Variants in METTL3 observed in about 807,000 individuals in gnomAD.
METTL3 encodes N(6)-adenosine-methyltransferase catalytic subunit METTL3.
In METTL3, 42 loss-of-function variants were observed where a neutral mutation model predicts 64.3. The observed-to-expected ratio is 0.65, with a 90% confidence interval of 0.51 to 0.84. METTL3 has a LOEUF of 0.84. Ranked by LOEUF, METTL3 falls within the 40% of genes least tolerant of loss-of-function variation. The probability of loss-of-function intolerance (pLI) is 0.00; values close to 1 mark genes in which losing one functional copy is unlikely to be tolerated. For missense variants in METTL3, 435 were observed against 722.3 expected (o/e 0.60, Z 4.56); for synonymous variants, 256 against 263.6 (o/e 0.97, Z 0.28).
chr14:21,508,646 G>T (rs1891755799), intron 1 of METTL3, among the ~76,000 whole-genome samples: 2 of 152,168 alleles, frequency 1.3e-5, no homozygotes, highest in Non-Finnish European at 2.9e-5. Context: ...TGTAATCCCA[G>T]CACTTTGGGA....
intron 3 of METTL3, 90 bp downstream of exon 3, chr14:21,503,083 G>A: frequency 2.9e-6 from 4 of 1,394,036 alleles, no homozygotes; most frequent in Non-Finnish European, 3.9e-6. Flanking sequence ...AACCACTGCT[G>A]TAAACAGTTC....
intron 6 of METTL3, 124 bp downstream of exon 6, chr14:21,500,370 AG>A (rs35288920): frequency 2.9e-4 from 232 of 799,114 alleles, no homozygotes; most frequent in African/African-American, 2.8e-3. Flanking sequence ...TCAAAAAAAA[AG>A]AAAAAAAGAC....
At position 21,500,453 on chromosome 14, in the gene METTL3, T is replaced by G. The variant is rs370521643; in HGVS notation, c.1304+42A>C. The G allele has an allele frequency of 1.9e-6, 3 of 1,591,986 alleles. No individual in the cohort carries two copies. The South Asian group carries it at 3.3e-5, about 18-fold the overall frequency. ...TTATCTCCCATTCAGTATTCACTCT[T>G]GTACTGTATCTGTCCATACCTACGT... On this transcript the variant is annotated intron_variant, in intron 6 of 10. Coordinates refer to ENST00000298717, the MANE Select transcript of METTL3 (RefSeq NM_019852.5).
intron 5 of METTL3, 91 bp from the exon 6 acceptor site, chr14:21,500,773 C>G: frequency 6.8e-7 from 1 of 1,467,678 alleles, no homozygotes; most frequent in East Asian, 2.3e-5. Context: ...TTCCTATTCC[C>G]TTAAAAGCTT....
Position 21,499,780 on chromosome 14 carries a change from A to G in METTL3, c.1327T>C (p.Cys443Arg). 6.2e-7 allele frequency: 1 copy of G among 1,613,250 alleles called. No individual in the cohort carries two copies. The highest frequency in any genetic ancestry group is 8.5e-7 in the Non-Finnish European group (1 of 1,179,218). The change falls in exon 7 of 11, where the codon TGT becomes CGT. Residue 443 changes from cysteine to arginine, a missense_variant. By Grantham distance (180) the Cys-to-Arg change is radical. This residue lies in a region of METTL3 where 36 missense variants were observed against 73.0 expected (regional missense o/e 0.49). Coordinates refer to ENST00000298717, the MANE Select transcript of METTL3 (RefSeq NM_019852.5). ...ACTACTTACCCCCAGAGGTTTAGAC[A>G]TTCTCTCCCCAACTCCATGGCCCTA... ...TGRAMELGRE[C>R]LNLWGYERVD...
chr14:21,501,025 G>A lies in METTL3; in HGVS notation c.1004C>T (p.Ala335Val), dbSNP rs748004925. 1 of 1,614,164 alleles carries A rather than the reference G, an allele frequency of 6.2e-7. No homozygotes were observed. The highest frequency in any genetic ancestry group is 8.5e-7 in the Non-Finnish European group (1 of 1,180,006). Residue 335 changes from alanine to valine, a missense_variant, in exon 5 of 11, where the codon GCT (alanine) becomes GTT (valine). This residue lies in a region of METTL3 where 67 missense variants were observed against 71.5 expected (regional missense o/e 0.94). Transcript: ENST00000298717. Reference sequence around the variant, plus strand: ...GCCAGGGGCCTCAGAATCCATGCAAGCATCAATTTCATAGTGAACATACTT... The same window carrying A: ...GCCAGGGGCCTCAGAATCCATGCAAACATCAATTTCATAGTGAACATACTT... ...TCKYVHYEID[A>V]CMDSEAPGSK...
intron 6 of METTL3, among the ~76,000 whole-genome samples, chr14:21,500,035 T>C (rs954079426): frequency 2.0e-5 from 3 of 152,090 alleles, no homozygotes; most frequent in Admixed American, 6.6e-5. Flanking sequence ...GGGGTAAAAT[T>C]TGCATTGTAA....
intron 1 of METTL3, among the ~76,000 whole-genome samples, chr14:21,508,972 T>TGTCACAAAAACGACAGAAAGGTG (rs1455501782): frequency 6.6e-6 from 1 of 152,188 alleles, no homozygotes; most frequent in African/African-American, 2.4e-5. Context: ...GAGGATGGCC[T>TGTCACAAAAACGACAGAAAGGTG]GTCACAAAAA....
chr14:21,501,063 G>A lies in METTL3; in HGVS notation c.966C>T (p.His322=), dbSNP rs1186027544. ...AGTGAACATACTTGCAGGTATCCAT[G>A]TGGAAACATGTATTAAGGAAAGAGC... The part of the protein sequence containing the change: ...GDCSFLNTCF[H]MDTCKYVHYE... The change falls in exon 5 of 11, where the codon CAC becomes CAT. Residue 322 remains histidine, a synonymous_variant. Coordinates refer to ENST00000298717, the MANE Select transcript of METTL3 (RefSeq NM_019852.5). 4.3e-6 allele frequency: 7 copies of A among 1,613,998 alleles called. No individual in the cohort carries two copies. The highest frequency in any genetic ancestry group is 1.7e-5 in the Admixed American group (1 of 60,006).
At chr14:21,507,802 T>C (rs150711839) in intron 1 of METTL3, 34 of 152,304 alleles carry the variant, frequency 2.2e-4, no homozygotes, top group African/African-American at 8.2e-4. Context: ...CTCAACAAAA[T>C]ACATTCTTTG....
At chr14:21,507,445 G>T (rs1024244382) in intron 1 of METTL3, among the ~76,000 whole-genome samples, 2 of 152,082 alleles carry the variant, frequency 1.3e-5, no homozygotes, top group African/African-American at 4.8e-5. Flanking sequence ...GGATCACGAG[G>T]TCAGGAGATC....
At chr14:21,499,633 C>T (rs774880730) in intron 7 of METTL3, 33 bp from the exon 8 acceptor site, 1 of 1,604,676 alleles carries the variant, frequency 6.2e-7, no homozygotes, top group Non-Finnish European at 8.5e-7. Context: ...AGAATTTTAG[C>T]CAAACTTTTA....
At chr14:21,507,642 A>G (rs981756526) in intron 1 of METTL3, 1 of 152,192 alleles carries the variant, frequency 6.6e-6, no homozygotes, top group Non-Finnish European at 1.5e-5. Context: ...CAGCCTGGGC[A>G]ACAGATGTGG....
At chr14:21,504,890 ACAT>A (rs2139647136) in intron 1 of METTL3, 1 of 152,146 alleles carries the variant, frequency 6.6e-6, no homozygotes, top group African/African-American at 2.4e-5. Context: ...CAGTGAGCCA[ACAT>A]CATGCCACTG....
At chr14:21,510,745 T>C (rs1404365085) in intron 1 of METTL3, 5 of 210,110 alleles carry the variant, frequency 2.4e-5, no homozygotes, top group South Asian at 6.3e-5. Flanking sequence ...TACAAAACAG[T>C]CGTTATAACT....
intron 1 of METTL3, 128 bp downstream of exon 1, chr14:21,510,996 G>GCTTCTATAA: frequency 9.6e-7 from 1 of 1,044,496 alleles, no homozygotes; most frequent in Non-Finnish European, 1.3e-6. Context: ...GGTGGAGAGG[G>GCTTCTATAA]AGTACCAATG....
At chr14:21,503,146 G>A (rs1458956664) in intron 3 of METTL3, 27 bp downstream of exon 3, 1 of 1,581,058 alleles carries the variant, frequency 6.3e-7, no homozygotes. Context: ...AGAGCATATT[G>A]TGAGAGTATT....
chr14:21,499,291 C>T lies in METTL3; in HGVS notation c.1518+15G>A. 2 of 1,614,112 alleles carry T rather than the reference C, an allele frequency of 1.2e-6. No individual in the cohort carries two copies. On this transcript the variant is annotated intron_variant, in intron 9 of 10. Coordinates refer to ENST00000298717, the MANE Select transcript of METTL3 (RefSeq NM_019852.5). ...ACAAAAATGTGGAAGCTTTGGAGGCCTGGGAAGCACATACCTCAGCTACGA... is the reference window on the plus strand; with the variant it reads ...ACAAAAATGTGGAAGCTTTGGAGGCTTGGGAAGCACATACCTCAGCTACGA...
chr14:21,500,360 T>C (rs1461012379), intron 6 of METTL3, 135 bp downstream of exon 6: 3 of 787,196 alleles, frequency 3.8e-6, no homozygotes, highest in Non-Finnish European at 5.8e-6. Flanking sequence ...TGAGACTCTC[T>C]CAAAAAAAAA....
Sources: allele counts gnomAD v4.1 joint callset (sites outside exome capture counted in the v4.1 genomes callset), GRCh38; gene constraint gnomAD v4.1.1; regional missense constraint gnomAD v4.1.1; transcripts MANE v1.5; gene names NCBI Gene and HGNC (gene_info 2026-07-23, HGNC 2026-07-21).